Variants in TGFBR3 observed in about 807,000 individuals in gnomAD.
TGFBR3 encodes the protein transforming growth factor beta receptor type 3.
TGFBR3 carries 46 observed loss-of-function variants against 87.9 expected under a neutral mutation model. That is an observed-to-expected ratio of 0.52 (90% CI 0.41 to 0.67). The LOEUF (loss-of-function observed/expected upper bound fraction) is 0.67, where lower values mean the gene tolerates loss of function less well. TGFBR3 is among the 30% of genes least tolerant of loss of function. TGFBR3 has a pLI of 0.00. For synonymous variants in TGFBR3, 381 were observed against 391.6 expected (o/e 0.97, Z 0.32); for missense variants, 866 against 1,041.9 (o/e 0.83, Z 2.32).
At chr1:91,691,824 A>C (rs1235506948) in intron 16 of TGFBR3, among the ~76,000 whole-genome samples, 2 of 152,222 alleles carry the variant, frequency 1.3e-5, no homozygotes, top group African/African-American at 4.8e-5. Flanking sequence ...TCAATGTATT[A>C]AAAGGAGATT....
At chr1:91,878,373 T>A (rs1678941662) in intron 1 of TGFBR3, among the ~76,000 whole-genome samples, 1 of 151,774 alleles carries the variant, frequency 6.6e-6, no homozygotes, top group African/African-American at 2.4e-5. Context: ...CAGAGTATTT[T>A]TGCATCCAAG....
intron 12 of TGFBR3, among the ~76,000 whole-genome samples, chr1:91,714,228 T>A (rs1218980615): frequency 6.6e-6 from 1 of 152,006 alleles, no homozygotes; most frequent in East Asian, 1.9e-4. Flanking sequence ...ATATCATAAT[T>A]GTGAAAACTA....
In TGFBR3 at chr1:91,835,599, T is replaced by C. The variant is rs140448793; in HGVS notation, c.61+25872A>G. On this transcript the variant is annotated intron_variant, in intron 2 of 16. Transcript: ENST00000212355. ...ATCCCAGCACTTTGGGAGGCTGAGG[T>C]GGGCAGATCATGAGGTCAGGAGATC... is the stretch of plus-strand genomic sequence containing the variant. 6.6e-5 allele frequency among the ~76,000 whole-genome samples: 10 copies of C among 151,884 alleles called. No homozygotes were observed. In the East Asian group the frequency reaches 2.0e-3, roughly 30 times the overall value.
In TGFBR3 at chr1:91,880,479, T is replaced by C. The variant is rs145883390; in HGVS notation, c.-114+5399A>G. ...TGGGCGTGGTGGCGGGCGCCTGTAGTCTCAGCTACTCGGGAGACTGAGGCA... is the reference window on the plus strand; with the variant it reads ...TGGGCGTGGTGGCGGGCGCCTGTAGCCTCAGCTACTCGGGAGACTGAGGCA... On this transcript the variant is annotated intron_variant, in intron 1 of 16. Coordinates refer to ENST00000212355, the MANE Select transcript of TGFBR3 (RefSeq NM_003243.5). Among the ~76,000 whole-genome samples, 505 of 152,088 alleles carry C rather than the reference T, an allele frequency of 3.3e-3. 6 individuals are homozygous for C. The highest frequency in any genetic ancestry group is 0.011 in the African/African-American group (473 of 41,512).
chr1:91,808,948 A>G lies in TGFBR3; in HGVS notation c.62-11477T>C, dbSNP rs184249673. Among the ~76,000 whole-genome samples, 411 of 148,944 alleles carry G rather than the reference A, an allele frequency of 2.8e-3. 1 individual carries two copies. The highest frequency in any genetic ancestry group is 6.2e-3 in the Admixed American group (87 of 13,952). On this transcript the variant is annotated intron_variant, in intron 2 of 16. Coordinates refer to ENST00000212355, the MANE Select transcript of TGFBR3 (RefSeq NM_003243.5). ...CAAATCTGAAGGTTTGAAGGATGGG[A>G]GAAAATAAGATCTTTTTTCTCCTAC... is the stretch of plus-strand genomic sequence containing the variant.
chr1:91,722,017 G>C lies in TGFBR3; in HGVS notation c.1013C>G (p.Pro338Arg). The C allele has an allele frequency of 1.2e-6, 2 of 1,613,554 alleles. No homozygotes were observed. The highest frequency in any genetic ancestry group is 1.7e-6 in the Non-Finnish European group (2 of 1,179,774). ...AGGAGCCATTGTGTATGAAGTTATT[G>C]GACTATAGCCATTGTCCAAAGCCCA... ...VKWALDNGYS[P>R]ITSYTMAPVA... Residue 338 changes from proline to arginine, a missense_variant, in exon 8 of 17, where the codon CCA (proline) becomes CGA (arginine). Pro to Arg is a moderately radical substitution (Grantham distance 103). Coordinates refer to ENST00000212355, the MANE Select transcript of TGFBR3 (RefSeq NM_003243.5).
intron 3 of TGFBR3, among the ~76,000 whole-genome samples, chr1:91,796,150 A>G (rs568592201): frequency 6.6e-6 from 1 of 152,306 alleles, no homozygotes; most frequent in African/African-American, 2.4e-5. Context: ...TACCTGAGTG[A>G]TAACATTTCT....
At chr1:91,731,276 C>G (rs1226258265) in intron 5 of TGFBR3, among the ~76,000 whole-genome samples, 2 of 152,150 alleles carry the variant, frequency 1.3e-5, no homozygotes, top group African/African-American at 4.8e-5. Context: ...CCCCTCCCCA[C>G]TTGTGCAACC....
At chr1:91,771,081 A>C (rs983857273) in intron 3 of TGFBR3, 2 of 152,190 alleles carry the variant, frequency 1.3e-5, no homozygotes, top group Admixed American at 6.5e-5. Flanking sequence ...GACAGGAATG[A>C]ATGGCTTGGC....
intron 2 of TGFBR3, among the ~76,000 whole-genome samples, chr1:91,839,010 C>T (rs1677170005): frequency 6.6e-6 from 1 of 152,184 alleles, no homozygotes; most frequent in African/African-American, 2.4e-5. Context: ...CAGGGTCTCA[C>T]TCTGTCACCC....
upstream of TGFBR3, among the ~76,000 whole-genome samples, chr1:91,887,236 C>T (rs1459056316): frequency 4.8e-4 from 20 of 41,416 alleles, no homozygotes; most frequent in African/African-American, 7.0e-4. Context: ...GGACCTATGC[C>T]TTTTTTTTTT....
At chr1:91,760,716 C>G (rs1432748420) in intron 3 of TGFBR3, among the ~76,000 whole-genome samples, 1 of 152,174 alleles carries the variant, frequency 6.6e-6, no homozygotes, top group Non-Finnish European at 1.5e-5. Flanking sequence ...ACAGTGATGT[C>G]AAGTACAGCT....
chr1:91,728,588 G>A (rs1356876283), intron 6 of TGFBR3, among the ~76,000 whole-genome samples: 1 of 152,086 alleles, frequency 6.6e-6, no homozygotes, highest in Admixed American at 6.6e-5. Flanking sequence ...CACTTGTAAA[G>A]CATAAAATGC....
Position 91,794,265 on chromosome 1 carries a change from G to A in TGFBR3, c.246+3022C>T, listed in dbSNP as rs1029598356. 5.3e-5 allele frequency among the ~76,000 whole-genome samples: 8 copies of A among 151,654 alleles called. No homozygotes were observed. The South Asian group carries it at 1.2e-3, about 24-fold the overall frequency. On this transcript the variant is annotated intron_variant, in intron 3 of 16. Transcript: ENST00000212355. Reference sequence around the variant, plus strand: ...GTTGCTCAGGCTGGAGTGCAGCAGCGCAATCTTGGCTCACTGCAACCTCCA... The same window carrying A: ...GTTGCTCAGGCTGGAGTGCAGCAGCACAATCTTGGCTCACTGCAACCTCCA...
chr1:91,724,934 T>C (rs1376043770), intron 7 of TGFBR3, among the ~76,000 whole-genome samples: 1 of 152,180 alleles, frequency 6.6e-6, no homozygotes, highest in Admixed American at 6.5e-5. Context: ...ACTGAGATTT[T>C]TAAAAATGTA....
At chr1:91,858,985 G>A (rs188272703) in intron 2 of TGFBR3, among the ~76,000 whole-genome samples, 1 of 151,698 alleles carries the variant, frequency 6.6e-6, no homozygotes, top group East Asian at 1.9e-4. Context: ...GAACCAGGAG[G>A]CAGAGGTTGC....
intron 4 of TGFBR3, among the ~76,000 whole-genome samples, chr1:91,755,963 C>T (rs1673726945): frequency 6.6e-6 from 1 of 152,168 alleles, no homozygotes; most frequent in South Asian, 2.1e-4. Flanking sequence ...ATAAGAGCAG[C>T]AACAGCAGGT....
At chr1:91,745,822 C>G (rs897281308) in intron 4 of TGFBR3, among the ~76,000 whole-genome samples, 5 of 152,168 alleles carry the variant, frequency 3.3e-5, no homozygotes, top group African/African-American at 1.2e-4. Flanking sequence ...GCCTGTGAAC[C>G]TAGGTTCATA....
At chr1:91,899,130 A>C (rs1679622880) in intron 2 of TGFBR3, among the ~76,000 whole-genome samples, 1 of 152,192 alleles carries the variant, frequency 6.6e-6, no homozygotes, top group Non-Finnish European at 1.5e-5. Context: ...AAAATTGTTG[A>C]GAGTAAATTT....
Sources: gnomAD v4.1 joint callset for allele counts (sites outside exome capture counted in the v4.1 genomes callset) on GRCh38, gnomAD v4.1.1 for gene constraint, MANE v1.5 for transcripts, NCBI Gene and HGNC (gene_info 2026-07-23, HGNC 2026-07-21) for gene names.